Variants in ERC1 observed in about 807,000 individuals in gnomAD.
The protein encoded by ERC1 is ELKS/RAB6-interacting/CAST family member 1.
In ERC1, 56 loss-of-function variants were observed where a neutral mutation model predicts 132.0. That is an observed-to-expected ratio of 0.42 (90% confidence interval 0.34 to 0.53). ERC1 has a LOEUF of 0.53. Among genes scored for constraint, ERC1 ranks in the 20% least tolerant of loss-of-function variants. The pLI is 0.03. For synonymous variants in ERC1, 478 were observed against 476.1 expected (o/e 1.00, Z -0.05); for missense variants, 1,202 against 1,349.9 (o/e 0.89, Z 1.72).
intron 14 of ERC1, among the ~76,000 whole-genome samples, chr12:1,280,438 AAT>A (rs2078601337): frequency 6.6e-6 from 1 of 152,218 alleles, no homozygotes. Flanking sequence ...TTAATAAATG[AAT>A]AAAGATGCAT....
intron 16 of ERC1, among the ~76,000 whole-genome samples, chr12:1,375,733 CTTTTT>C (rs35535185): frequency 2.8e-5 from 3 of 107,104 alleles, no homozygotes; most frequent in African/African-American, 4.2e-5. Context: ...GCTCTTGTTC[CTTTTT>C]TTTTTTTTTT....
intron 17 of ERC1, among the ~76,000 whole-genome samples, chr12:1,413,738 T>G (rs2091966264): frequency 6.6e-6 from 1 of 152,254 alleles, no homozygotes. Flanking sequence ...AACTATTCAG[T>G]AAATCACTTG....
At chr12:1,467,818 G>GATA (rs1462174523) in intron 18 of ERC1, among the ~76,000 whole-genome samples, 1 of 152,202 alleles carries the variant, frequency 6.6e-6, no homozygotes, top group Non-Finnish European at 1.5e-5. Context: ...TCAGGCATTA[G>GATA]ATTCTCATAA....
intron 2 of ERC1, among the ~76,000 whole-genome samples, chr12:1,056,454 T>C (rs1040028503): frequency 6.6e-6 from 1 of 152,010 alleles, no homozygotes; most frequent in South Asian, 2.1e-4. Context: ...GAGAGGCTGG[T>C]CCTGGTTCTG....
chr12:1,440,612 G>T (rs1357837680), intron 17 of ERC1, among the ~76,000 whole-genome samples: 1,260 of 49,456 alleles, frequency 0.025, 193 homozygotes, highest in African/African-American at 0.21. Flanking sequence ...GTGTGTGTGT[G>T]TGTGTGTGTG....
At chr12:995,866 G>A (rs1283316944) in intron 1 of ERC1, among the ~76,000 whole-genome samples, 1 of 152,136 alleles carries the variant, frequency 6.6e-6, no homozygotes, top group Non-Finnish European at 1.5e-5. Flanking sequence ...ATTGAGTTAG[G>A]AGGGAAACCA....
chr12:1,278,409 T>C (rs1348578880), intron 14 of ERC1, among the ~76,000 whole-genome samples: 1 of 152,132 alleles, frequency 6.6e-6, no homozygotes, highest in African/African-American at 2.4e-5. Flanking sequence ...TGACAGGAGG[T>C]TTAAAAACTC....
chr12:1,071,917 A>G (rs1286741561), intron 2 of ERC1, among the ~76,000 whole-genome samples: 1 of 152,092 alleles, frequency 6.6e-6, no homozygotes, highest in African/African-American at 2.4e-5. Context: ...CCTGGCCAAC[A>G]TGGAGAAACC....
intron 11 of ERC1, among the ~76,000 whole-genome samples, chr12:1,183,967 C>G (rs2154272937): frequency 6.6e-6 from 1 of 152,180 alleles, no homozygotes. Context: ...AACCCCATCT[C>G]TACTAAAAAC....
intron 18 of ERC1, among the ~76,000 whole-genome samples, chr12:1,473,629 C>CAAA (rs34619342): frequency 8.6e-5 from 8 of 92,610 alleles, no homozygotes; most frequent in South Asian, 3.7e-4. Flanking sequence ...GACTCTATCT[C>CAAA]AAAAAAAAAA....
At chr12:1,470,433 G>C (rs962238246) in intron 18 of ERC1, among the ~76,000 whole-genome samples, 1 of 151,584 alleles carries the variant, frequency 6.6e-6, no homozygotes, top group African/African-American at 2.4e-5. Context: ...TAGTTGTTTG[G>C]GTTTGGGGTT....
At chr12:1,448,811 CTG>C (rs1425741463) in intron 18 of ERC1, among the ~76,000 whole-genome samples, 2 of 152,234 alleles carry the variant, frequency 1.3e-5, no homozygotes, top group African/African-American at 4.8e-5. Flanking sequence ...TAGTGGAGCT[CTG>C]AGAAGAAGGC....
At chr12:1,223,149 T>C (rs891686019) in intron 12 of ERC1, among the ~76,000 whole-genome samples, 1 of 152,228 alleles carries the variant, frequency 6.6e-6, no homozygotes, top group African/African-American at 2.4e-5. Flanking sequence ...TAGGAAGGCA[T>C]GTTCATAAAG....
At chr12:1,223,964 T>C (rs909840151) in intron 12 of ERC1, among the ~76,000 whole-genome samples, 2 of 152,166 alleles carry the variant, frequency 1.3e-5, no homozygotes, top group Non-Finnish European at 1.5e-5. Context: ...AGAATTTAGA[T>C]TCAAATCAAA....
chr12:1,214,185 G>A (rs1958154266), intron 12 of ERC1, among the ~76,000 whole-genome samples: 1 of 152,126 alleles, frequency 6.6e-6, no homozygotes, highest in Admixed American at 6.5e-5. Flanking sequence ...GATCTCCCAG[G>A]TAAACAGTAT....
chr12:1,407,536 A>G (rs925080757), intron 16 of ERC1, among the ~76,000 whole-genome samples: 5 of 151,968 alleles, frequency 3.3e-5, no homozygotes, highest in African/African-American at 1.2e-4. Context: ...TTTATTTTTT[A>G]TTTTTTTAAA....
At chr12:1,378,266 G>C (rs1346005150) in intron 16 of ERC1, among the ~76,000 whole-genome samples, 1 of 152,174 alleles carries the variant, frequency 6.6e-6, no homozygotes, top group Non-Finnish European at 1.5e-5. Context: ...CCCCGTTGGA[G>C]CAATATTTAG....
chr12:1,177,710 GC>G (rs1566155082), intron 8 of ERC1, among the ~76,000 whole-genome samples: 1 of 152,226 alleles, frequency 6.6e-6, no homozygotes, highest in African/African-American at 2.4e-5. Context: ...AAGAAATGTT[GC>G]AGGAATTACC....
chr12:1,314,768 A>C lies in ERC1; in HGVS notation c.2780+24756A>C, dbSNP rs77001812. Among the ~76,000 whole-genome samples the C allele has an allele frequency of 7.6e-4, 116 of 152,348 alleles. No individual in the cohort carries two copies. In the East Asian group the frequency reaches 0.019, roughly 25 times the overall value. On this transcript the variant is annotated intron_variant, in intron 15 of 18. Coordinates refer to ENST00000360905, the MANE Select transcript of ERC1 (RefSeq NM_178040.4). The stretch of plus-strand genomic sequence containing the variant: ...GTTTTCGTTTTACCTTATATTAGGA[A>C]GATAATGGCAATCTTTTAAAAATAA...
Sources: gnomAD v4.1 joint callset for allele counts (sites outside exome capture counted in the v4.1 genomes callset) on GRCh38, gnomAD v4.1.1 for gene constraint, MANE v1.5 for transcripts, NCBI Gene and HGNC (gene_info 2026-07-23, HGNC 2026-07-21) for gene names.